The following CEP250 variants were observed in gnomAD, a reference collection of about 807,000 sequenced individuals.
The protein encoded by CEP250 is centrosomal protein 250, also known as centrosome-associated protein CEP250.
A neutral mutation model predicts 315.7 loss-of-function variants in CEP250; 242 were observed. That is an observed-to-expected ratio of 0.77 (90% CI 0.69 to 0.85). The LOEUF (loss-of-function observed/expected upper bound fraction) is 0.85. CEP250 is among the 40% of genes least tolerant of loss of function. The pLI is 0.00. For missense variants in CEP250, 2,515 were observed against 2,886.4 expected (o/e 0.87, Z 2.95); for synonymous variants, 1,088 against 1,175.0 (o/e 0.93, Z 1.51).
At chr20:35,485,230 C>T (rs2063474664) in intron 20 of CEP250, among the ~76,000 whole-genome samples, 1 of 151,948 alleles carries the variant, frequency 6.6e-6, no homozygotes, top group South Asian at 2.1e-4. Context: ...AAAATATTAG[C>T]CGGGTGTGGT....
chr20:35,469,795 G>A, intron 9 of CEP250, 95 bp from the exon 10 acceptor site: 1 of 686,702 alleles, frequency 1.5e-6, no homozygotes. Flanking sequence ...AGTTGGGAGT[G>A]GTTGGGGTTG....
chr20:35,501,692 G>A (rs970226422), intron 28 of CEP250, among the ~76,000 whole-genome samples, 153 bp from the exon 29 acceptor site: 2 of 152,132 alleles, frequency 1.3e-5, no homozygotes, highest in Admixed American at 6.5e-5. Context: ...TGATGTCCTT[G>A]ATATCTCTAG....
In CEP250 at chr20:35,511,461, C is replaced by A. The variant is rs2064357978; in HGVS notation, c.7164C>A (p.His2388Gln). The A allele has an allele frequency of 1.2e-6, 2 of 1,614,008 alleles. No individual in the cohort carries two copies. Among genetic ancestry groups the A allele is most frequent in the Non-Finnish European group, 1.7e-6 (2 of 1,180,014 alleles). ...CCAGCCGTGAGCTAGCAGGCCTGCA[C>A]CACAGCCTCTCACACTCACTTCTTG... is the stretch of plus-strand genomic sequence containing the variant. ...AQTSRELAGL[H>Q]HSLSHSLLAV... is the part of the protein sequence containing the mutation. Residue 2388 changes from histidine to glutamine, a missense_variant, in exon 35 of 35, where the codon CAC becomes CAA. By Grantham distance (24) the His-to-Gln change is conservative (BLOSUM62 0). Coordinates refer to ENST00000397527, the MANE Select transcript of CEP250 (RefSeq NM_007186.6).
chr20:35,509,892 C>A, intron 33 of CEP250, 106 bp from the exon 34 acceptor site: 1 of 1,009,536 alleles, frequency 9.9e-7, no homozygotes, highest in Non-Finnish European at 1.6e-6. Flanking sequence ...TGGCCCATAG[C>A]CCTTGCCCAG....
chr20:35,494,634 G>T lies in CEP250; in HGVS notation c.3144G>T (p.Lys1048Asn). 1.9e-6 allele frequency: 3 copies of T among 1,614,118 alleles called. No individual in the cohort carries two copies. The highest frequency in any genetic ancestry group is 2.5e-6 in the Non-Finnish European group (3 of 1,179,986). The change falls in exon 24 of 35, where the codon AAG becomes AAT. Residue 1048 changes from lysine to asparagine, a missense_variant. By Grantham distance (94) the Lys-to-Asn change is moderately conservative (BLOSUM62 0). Coordinates refer to ENST00000397527, the MANE Select transcript of CEP250 (RefSeq NM_007186.6). The part of the protein sequence containing the change: ...RETQEYNRIQ[K>N]ELEREKASLT... ...CCCAGGAGTATAACCGAATTCAGAA[G>T]GAGCTGGAGAGAGAGAAAGCCAGGT...
intron 14 of CEP250, among the ~76,000 whole-genome samples, chr20:35,474,568 G>C (rs1433172234): frequency 6.6e-6 from 1 of 152,174 alleles, no homozygotes; most frequent in Non-Finnish European, 1.5e-5. Flanking sequence ...TTCAGAGTAG[G>C]CTGGGCTGGC....
At chr20:35,488,306 T>A (rs1328873364) in intron 20 of CEP250, among the ~76,000 whole-genome samples, 1 of 152,258 alleles carries the variant, frequency 6.6e-6, no homozygotes, top group Non-Finnish European at 1.5e-5. Context: ...TGCAGTCACA[T>A]ACTCTGCCAC....
chr20:35,479,844 A>G, intron 19 of CEP250, 71 bp downstream of exon 19: 1 of 1,609,318 alleles, frequency 6.2e-7, no homozygotes, highest in Non-Finnish European at 8.5e-7. Context: ...ATGGTGGGAG[A>G]CTATTAGAGG....
At chr20:35,511,240 T>G in intron 34 of CEP250, 123 bp from the exon 35 acceptor site, 1 of 758,072 alleles carries the variant, frequency 1.3e-6, no homozygotes. Flanking sequence ...GAGATTCGTG[T>G]ATGTGGTAGA....
At chr20:35,467,121 A>G (rs764294331) in intron 8 of CEP250, 49 bp downstream of exon 8, 16 of 1,341,228 alleles carry the variant, frequency 1.2e-5, no homozygotes, top group Non-Finnish European at 1.7e-5. Flanking sequence ...CCAATTCTGG[A>G]CTAATAACAG....
At chr20:35,509,897 G>A (rs1480476125) in intron 33 of CEP250, 101 bp from the exon 34 acceptor site, 1 of 1,073,736 alleles carries the variant, frequency 9.3e-7, no homozygotes, top group Non-Finnish European at 1.5e-6. Context: ...CATAGCCCTT[G>A]CCCAGGCCCC....
In CEP250 at chr20:35,465,729, T is replaced by TTA. The variant is rs1221220287; in HGVS notation, c.244-14_244-13insTA. 1 of 1,576,506 alleles carries TTA rather than the reference T, an allele frequency of 6.3e-7. No homozygotes were observed. The highest frequency in any genetic ancestry group is 1.9e-5 in the Admixed American group (1 of 53,224). ...TCTTTGGAGGTAAGTAAGGCTTGTC[T>TTA]CTGTCTGGCGCAGGGACCAATCCCC... On this transcript the variant is annotated splice_polypyrimidine_tract_variant and intron_variant, in intron 5 of 34. Transcript: ENST00000397527.
chr20:35,503,006 A>G lies in CEP250; in HGVS notation c.4637A>G (p.Gln1546Arg). The change falls in exon 30 of 35, where the codon CAG becomes CGG. Residue 1546 changes from glutamine to arginine, a missense_variant. By Grantham distance (43) the Gln-to-Arg change is conservative. Coordinates refer to ENST00000397527, the MANE Select transcript of CEP250 (RefSeq NM_007186.6). This position sits in a 1 kb window ranked among gnomAD's most constrained non-coding sequence, Gnocchi z 4.2. ...ATTGAGTCCCAGAGAGGACAGGTTC[A>G]GGACCTGAAAAAGCAGTTGGTTACT... ...QMIESQRGQV[Q>R]DLKKQLVTLE... 1 of 1,614,236 alleles carries G rather than the reference A, an allele frequency of 6.2e-7. No individual in the cohort carries two copies. The highest frequency in any genetic ancestry group is 1.7e-5 in the Admixed American group (1 of 60,026).
chr20:35,500,493 G>C (rs958187419), intron 28 of CEP250, among the ~76,000 whole-genome samples: 1 of 152,200 alleles, frequency 6.6e-6, no homozygotes, highest in African/African-American at 2.4e-5. Flanking sequence ...TTATAGGATT[G>C]GGGGCTAGAA....
chr20:35,495,923 T>G (rs79592382), intron 24 of CEP250, among the ~76,000 whole-genome samples: 2,192 of 151,952 alleles, frequency 0.014, 42 homozygotes, highest in African/African-American at 0.05. Flanking sequence ...GAGAAGAGGT[T>G]TAAAGGATGT....
At position 35,517,471 on chromosome 20, in the gene CEP250, TGAG is replaced by T. The variant is rs941974624; in HGVS notation, c.*5848_*5850del. On this transcript the variant is annotated 3_prime_UTR_variant, in exon 35 of 35. Transcript: ENST00000397527. Reference sequence around the variant, plus strand: ...AAAGCAAGAGCTTTTTGGTTCCTCTTGAGGATAGAATCTATAGGAAAATGTAAG... The same window carrying T: ...AAAGCAAGAGCTTTTTGGTTCCTCTTGATAGAATCTATAGGAAAATGTAAG... 6.6e-6 allele frequency: 1 copy of T among 152,210 alleles called. No homozygotes were observed. The highest frequency in any genetic ancestry group is 2.4e-5 in the African/African-American group (1 of 41,438). The allele number at this position is 152,210 out of a possible 1,614,324, so 9.4% of individuals were successfully genotyped here.
At position 35,462,449 on chromosome 20, in the gene CEP250, C is replaced by G; in HGVS notation, c.82C>G (p.Gln28Glu). 6.2e-7 allele frequency: 1 copy of G among 1,606,494 alleles called. No homozygotes were observed. The highest frequency in any genetic ancestry group is 1.1e-5 in the South Asian group (1 of 89,654). ...ACTGGAAGAGCAGGTGCTGGCACTA[C>G]AGCAGCAGATGGCAGAGAATCAGGC... ...LVLEEQVLAL[Q>E]QQMAENQAAS... Residue 28 changes from glutamine (Q) to glutamate (E), a missense_variant, in exon 4 of 35, where the codon CAG becomes GAG. Physicochemically the swap from Gln to Glu is conservative, Grantham distance 29. Transcript: ENST00000397527.
intron 23 of CEP250, among the ~76,000 whole-genome samples, chr20:35,494,036 G>A (rs6060440): frequency 1.3e-5 from 2 of 152,212 alleles, no homozygotes; most frequent in South Asian, 2.1e-4. Flanking sequence ...GGGCTGAAGT[G>A]CAGATCATAA....
At chr20:35,484,988 T>A (rs1326498498) in intron 20 of CEP250, among the ~76,000 whole-genome samples, 4 of 146,468 alleles carry the variant, frequency 2.7e-5, no homozygotes, top group Non-Finnish European at 5.9e-5. Context: ...ATGCCTATAA[T>A]CCCACCACTT....
Sources: allele counts gnomAD v4.1 joint callset (sites outside exome capture counted in the v4.1 genomes callset), GRCh38; gene constraint gnomAD v4.1.1; non-coding constraint Gnocchi (gnomAD v3.1); transcripts MANE v1.5; gene names NCBI Gene and HGNC (gene_info 2026-07-23, HGNC 2026-07-21).